The following PRDM11 variants were observed in gnomAD, a reference collection of about 807,000 sequenced individuals.
PRDM11 encodes PR/SET domain 11, also known as PR domain-containing protein 11.
PRDM11 carries 20 observed loss-of-function variants against 97.8 expected under a neutral mutation model. The ratio of observed to expected loss-of-function variants is 0.20; its 90% CI spans 0.14 to 0.30. The LOEUF (loss-of-function observed/expected upper bound fraction) is 0.30. PRDM11 is among the 10% of genes least tolerant of loss of function. The pLI is 1.00. For missense variants in PRDM11, 1,139 were observed against 1,555.2 expected, an observed-to-expected ratio of 0.73 and a Z score of 4.50; for synonymous variants, 599 against 637.7, an observed-to-expected ratio of 0.94 and a Z score of 0.91.
At chr11:45,101,037 T>C (rs1430805072) in intron 1 of PRDM11, among the ~76,000 whole-genome samples, 3 of 152,158 alleles carry the variant, frequency 2.0e-5, no homozygotes, top group Non-Finnish European at 4.4e-5. Context: ...TTTGTGTGTG[T>C]GTGTTGGAAG....
chr11:45,151,968 C>T (rs1851671486), intron 1 of PRDM11, among the ~76,000 whole-genome samples: 1 of 152,168 alleles, frequency 6.6e-6, no homozygotes. Flanking sequence ...GCATTGGTTG[C>T]ATCCTCTCCC....
At chr11:45,197,253 C>A (rs1159625205) in intron 4 of PRDM11, among the ~76,000 whole-genome samples, 2 of 152,056 alleles carry the variant, frequency 1.3e-5, no homozygotes, top group Admixed American at 6.6e-5. Context: ...AGACACGGGA[C>A]AAATACTACC....
chr11:45,207,540 G>A (rs2863166), intron 5 of PRDM11, among the ~76,000 whole-genome samples: 108,449 of 152,048 alleles, frequency 0.71, 40,958 homozygotes, highest in Non-Finnish European at 0.85. Context: ...TCCCCCCAAC[G>A]AAAAATTTTC....
chr11:45,125,918 C>T (rs147396484), intron 1 of PRDM11, among the ~76,000 whole-genome samples: 3,943 of 152,242 alleles, frequency 0.026, 180 homozygotes, highest in African/African-American at 0.09. Context: ...TCTTGTTGAT[C>T]TGTCTAATGT....
At chr11:45,094,267 A>G (rs1851852314), upstream of PRDM11, among the ~76,000 whole-genome samples, 1 of 152,074 alleles carries the variant, frequency 6.6e-6, no homozygotes, top group Non-Finnish European at 1.5e-5. Context: ...AGGAGGTGAG[A>G]CGATGGGGTG....
intron 4 of PRDM11, among the ~76,000 whole-genome samples, chr11:45,199,233 G>A (rs552435265): frequency 7.9e-5 from 12 of 152,266 alleles, no homozygotes; most frequent in Non-Finnish European, 1.3e-4. Context: ...TTTCCACTGA[G>A]TGAGGAAGTC....
intron 1 of PRDM11, among the ~76,000 whole-genome samples, chr11:45,133,724 C>T (rs563722888): frequency 7.2e-4 from 109 of 152,296 alleles, no homozygotes; most frequent in South Asian, 6.8e-3. Flanking sequence ...AGACACAGAT[C>T]CCCAACGGGC....
upstream of PRDM11, among the ~76,000 whole-genome samples, chr11:45,143,629 A>G (rs1432380812): frequency 2.6e-5 from 4 of 152,216 alleles, no homozygotes; most frequent in Non-Finnish European, 5.9e-5. Flanking sequence ...GATGACACTG[A>G]GCAATGGAGT....
intron 1 of PRDM11, chr11:45,095,923 T>C: frequency 1.3e-6 from 1 of 780,224 alleles, no homozygotes; most frequent in Admixed American, 1.7e-5. Context: ...AAGCTGCTAA[T>C]GTGGGGGCTC....
rs192551969 is a variant in PRDM11 at position 45,137,222 on chromosome 11, C to G, written c.96+41321C>G. Among the ~76,000 whole-genome samples the G allele has an allele frequency of 1.2e-3, 184 of 151,476 alleles. 1 individual carries two copies. Among genetic ancestry groups the G allele is most frequent in the African/African-American group, 4.2e-3 (173 of 41,256 alleles). On this transcript the variant is annotated intron_variant, in intron 1 of 6. Coordinates refer to the PRDM11 transcript ENST00000530656. The stretch of plus-strand genomic sequence containing the variant: ...CCGAGGCAGGCAGATCACTTGAGGT[C>G]AGGAATTTGAGACCAGCCTTGCCAA...
rs200854710 is a variant in PRDM11 at position 45,182,253 on chromosome 11, A to G, written c.127A>G (p.Arg43Gly). Residue 43 changes from arginine to glycine, a missense_variant, in exon 3 of 8, where the codon AGA becomes GGA. By Grantham distance (125) the Arg-to-Gly change is moderately radical. Around this residue, in one of 2 missense-constraint regions of PRDM11, gnomAD observed 429 missense variants for 510.3 expected, o/e 0.84. Coordinates refer to ENST00000683152, the MANE Select transcript of PRDM11 (RefSeq NM_001384648.1). The part of the protein sequence containing the change: ...DQEYGQPCSR[R>G]PDSSAMEVEP... ...GGCCTCTGCCCTGGCCAGCTCTAGG[A>G]GACCGGACTCCTCGGCCATGGAAGT... 1 of 1,613,850 alleles carries G rather than the reference A, an allele frequency of 6.2e-7. No individual in the cohort carries two copies. The highest frequency in any genetic ancestry group is 8.5e-7 in the Non-Finnish European group (1 of 1,179,976).
chr11:45,182,215 T>A (rs896622475), intron 2 of PRDM11, 31 bp from the exon 3 acceptor site: 2 of 1,595,646 alleles, frequency 1.3e-6, no homozygotes, highest in Non-Finnish European at 8.6e-7. Context: ...ATGACTTCTT[T>A]GCTTTCTTTG....
At chr11:45,172,189 C>G (rs1011739371) in intron 1 of PRDM11, among the ~76,000 whole-genome samples, 1 of 152,238 alleles carries the variant, frequency 6.6e-6, no homozygotes, top group African/African-American at 2.4e-5. Context: ...CTGTGCAGGG[C>G]AAGGTGTAGA....
At chr11:45,119,457 C>G (rs1350367025) in intron 1 of PRDM11, among the ~76,000 whole-genome samples, 1 of 151,836 alleles carries the variant, frequency 6.6e-6, no homozygotes, top group African/African-American at 2.4e-5. Context: ...GAAACCCTGT[C>G]TCTACTATAA....
chr11:45,198,600 A>G (rs911114315), intron 4 of PRDM11, among the ~76,000 whole-genome samples: 1 of 152,236 alleles, frequency 6.6e-6, no homozygotes, highest in African/African-American at 2.4e-5. Flanking sequence ...TCATGACACC[A>G]TTTAGAGGAG....
Position 45,110,060 on chromosome 11 carries a change from C to A in PRDM11, c.96+14159C>A, listed in dbSNP as rs546724003. On this transcript the variant is annotated intron_variant, in intron 1 of 6. Transcript: ENST00000530656. ...GATTCTGACTAGGAAAACTCAGTGACCCAAAGTGACCTTCATCCAAACCTC... is the reference window on the plus strand; with the variant it reads ...GATTCTGACTAGGAAAACTCAGTGAACCAAAGTGACCTTCATCCAAACCTC... Among the ~76,000 whole-genome samples, 8 of 152,316 alleles carry A rather than the reference C, an allele frequency of 5.3e-5. No individual in the cohort carries two copies. In the South Asian group the frequency reaches 1.0e-3, roughly 20 times the overall value.
At chr11:45,168,486 C>T (rs1056894686) in intron 1 of PRDM11, among the ~76,000 whole-genome samples, 4 of 152,290 alleles carry the variant, frequency 2.6e-5, no homozygotes, top group Admixed American at 6.5e-5. Context: ...GAGTGGCTGG[C>T]GGTGGGTTCC....
At chr11:45,110,360 C>T (rs1366934925) in intron 1 of PRDM11, among the ~76,000 whole-genome samples, 1 of 152,092 alleles carries the variant, frequency 6.6e-6, no homozygotes, top group Non-Finnish European at 1.5e-5. Flanking sequence ...ATTGAACTCA[C>T]CAGGAAAACG....
chr11:45,212,371 G>GCCCCT (rs1853776855), intron 5 of PRDM11: 1 of 345,592 alleles, frequency 2.9e-6, no homozygotes, highest in Non-Finnish European at 5.8e-6. Flanking sequence ...GCAGGGCAGG[G>GCCCCT]GGATACTCAG....
Sources: allele counts gnomAD v4.1 joint callset (sites outside exome capture counted in the v4.1 genomes callset), GRCh38; gene constraint gnomAD v4.1.1; regional missense constraint gnomAD v4.1.1; transcripts MANE v1.5; gene names NCBI Gene and HGNC (gene_info 2026-07-23, HGNC 2026-07-21).